ABCA10: variants seen among roughly 807,000 people sequenced by gnomAD.
The protein encoded by ABCA10 is ATP-binding cassette sub-family A member 10.
In ABCA10, 169 loss-of-function variants were observed where a neutral mutation model predicts 187.5. The ratio of observed to expected loss-of-function variants is 0.90; its 90% CI spans 0.80 to 1.02. The LOEUF is 1.02. Ranked by LOEUF, ABCA10 falls within the 50% of genes least tolerant of loss-of-function variation. The probability of loss-of-function intolerance (pLI) is 0.00; values close to 1 mark genes in which losing one functional copy is unlikely to be tolerated. For missense variants in ABCA10, 1,727 were observed against 1,812.4 expected (o/e 0.95, Z 0.86); for synonymous variants, 574 against 601.8 (o/e 0.95, Z 0.68).
chr17:69,183,249 ATATT>A (rs2074394050), intron 20 of ABCA10, among the ~76,000 whole-genome samples: 1 of 152,198 alleles, frequency 6.6e-6, no homozygotes, highest in Non-Finnish European at 1.5e-5. Flanking sequence ...CCTTGCCATG[ATATT>A]TAAAGTACTA....
chr17:69,152,193 G>A lies in ABCA10; in HGVS notation c.4257-10C>T. On this transcript the variant is annotated splice_polypyrimidine_tract_variant and intron_variant, in intron 35 of 38. Coordinates refer to ENST00000690296, the MANE Select transcript of ABCA10 (RefSeq NM_001377321.1). ...AATGGAACCAATACACCTAGTTCAG[G>A]GGAAATAAAGAAAAAATACTTGTCT... 6.3e-7 allele frequency: 1 copy of A among 1,593,654 alleles called. No individual in the cohort carries two copies.
At chr17:69,198,823 C>T (rs1044854582) in intron 10 of ABCA10, among the ~76,000 whole-genome samples, 1 of 152,162 alleles carries the variant, frequency 6.6e-6, no homozygotes, top group African/African-American at 2.4e-5. Context: ...GTGTCACCCT[C>T]AAATCCATTC....
intron 11 of ABCA10, among the ~76,000 whole-genome samples, chr17:69,195,700 C>G (rs1407752804): frequency 6.6e-6 from 1 of 151,782 alleles, no homozygotes; most frequent in African/African-American, 2.4e-5. Context: ...AGGCAGAGGA[C>G]CCTGCGGTCT....
At chr17:69,150,207 C>T (rs980675641) in intron 36 of ABCA10, 144 bp from the exon 37 acceptor site, 26 of 532,264 alleles carry the variant, frequency 4.9e-5, no homozygotes, top group African/African-American at 9.7e-5. Context: ...TGTGAAATTA[C>T]AGATTCAATC....
At chr17:69,238,383 G>C (rs1230387420) in intron 1 of ABCA10, among the ~76,000 whole-genome samples, 1 of 152,094 alleles carries the variant, frequency 6.6e-6, no homozygotes, top group East Asian at 1.9e-4. Context: ...CACTATGATA[G>C]TTCTTACCCC....
chr17:69,177,869 T>C (rs1406212068), intron 22 of ABCA10, among the ~76,000 whole-genome samples: 1 of 146,856 alleles, frequency 6.8e-6, no homozygotes, highest in Non-Finnish European at 1.5e-5. Flanking sequence ...GGCAGGAGAA[T>C]CACTTGAACC....
chr17:69,167,006 A>G (rs2074259038), intron 25 of ABCA10, among the ~76,000 whole-genome samples: 1 of 152,228 alleles, frequency 6.6e-6, no homozygotes. Context: ...AAGGGAAAAG[A>G]TAAACACCAA....
chr17:69,227,327 C>G lies in ABCA10; in HGVS notation c.-312-42G>C, dbSNP rs529656278. On this transcript the variant is annotated intron_variant, in intron 1 of 38. Transcript: ENST00000690296. ...AAAAAAAAAGTTCAGTTACAGAAAG[C>G]CTTTGAACATTTTGAAAGCATAATT... The G allele has an allele frequency of 2.2e-4, 33 of 151,248 alleles. 1 individual carries two copies. Among genetic ancestry groups the G allele is most frequent in the Admixed American group, 1.7e-3 (26 of 15,120 alleles). 9.4% of individuals were successfully genotyped at this position (151,248 alleles called of 1,614,324 possible). A position where few individuals can be genotyped will look rare whatever the true frequency, so the allele number is the denominator to read the frequency against.
chr17:69,152,071 G>A lies in ABCA10; in HGVS notation c.4369C>T (p.Leu1457Phe), dbSNP rs750693543. ...VEALHTEILKLFPQAAWQERY... is the reference protein window; with the variant it reads ...VEALHTEILKFFPQAAWQERY... ...TCCTGCCAAGCAGCCTGTGGGAAAAGCTTCAAAATCTCTGTGTGGAGAGCT... is the reference window on the plus strand; with the variant it reads ...TCCTGCCAAGCAGCCTGTGGGAAAAACTTCAAAATCTCTGTGTGGAGAGCT... Residue 1457 changes from leucine to phenylalanine, a missense_variant, in exon 36 of 39, where the codon CTT becomes TTT. Physicochemically the swap from Leu to Phe is conservative, Grantham distance 22. Transcript: ENST00000690296. 36 of 1,611,368 alleles carry A rather than the reference G, an allele frequency of 2.2e-5. No individual in the cohort carries two copies. In the Admixed American group the frequency reaches 5.7e-4, roughly 26 times the overall value.
intron 9 of ABCA10, among the ~76,000 whole-genome samples, chr17:69,207,909 G>C (rs948108746): frequency 2.0e-5 from 3 of 152,158 alleles, no homozygotes; most frequent in Admixed American, 1.3e-4. Flanking sequence ...ATTGCTAAGA[G>C]AGTAGATTTT....
In ABCA10 at chr17:69,213,286, T is replaced by C. The variant is rs369971984; in HGVS notation, c.1006+1418A>G. Among the ~76,000 whole-genome samples the C allele has an allele frequency of 4.2e-4, 64 of 152,076 alleles. No homozygotes were observed. The East Asian group carries it at 0.011, about 26-fold the overall frequency. ...TAGAGCTCCCAAGAGTTTGTGTCTT[T>C]TGTCTTTAGCTACCAGCGGTGGGGA... On this transcript the variant is annotated intron_variant, in intron 9 of 38. Transcript: ENST00000690296.
chr17:69,237,028 T>C (rs2074876197), intron 1 of ABCA10, among the ~76,000 whole-genome samples: 1 of 152,224 alleles, frequency 6.6e-6, no homozygotes, highest in Non-Finnish European at 1.5e-5. Context: ...GTTATTATTT[T>C]CTGGTCAAAT....
At chr17:69,212,791 T>C (rs1197935856) in intron 9 of ABCA10, among the ~76,000 whole-genome samples, 3 of 152,218 alleles carry the variant, frequency 2.0e-5, no homozygotes, top group South Asian at 2.1e-4. Context: ...CTGTGTCCAT[T>C]TGCATGGAAT....
In ABCA10 at chr17:69,220,807, T is replaced by C. The variant is rs140002014; in HGVS notation, c.303+985A>G. 7.6e-3 allele frequency among the ~76,000 whole-genome samples: 1,151 copies of C among 152,306 alleles called. 10 individuals are homozygous for C. The highest frequency in any genetic ancestry group is 0.012 in the Non-Finnish European group (830 of 68,036). On this transcript the variant is annotated intron_variant, in intron 5 of 38. Transcript: ENST00000690296. ...AAATCTGACCCACCACCTGTTTTTG[T>C]ATATAACATTTTATTGAACACAGGC...
At chr17:69,207,326 G>A (rs2074599210) in intron 9 of ABCA10, among the ~76,000 whole-genome samples, 1 of 152,154 alleles carries the variant, frequency 6.6e-6, no homozygotes, top group African/African-American at 2.4e-5. Context: ...TGAAAAATAT[G>A]ATGAAGGTTC....
At chr17:69,240,862 T>G (rs1045333666) in intron 1 of ABCA10, among the ~76,000 whole-genome samples, 1 of 152,236 alleles carries the variant, frequency 6.6e-6, no homozygotes, top group African/African-American at 2.4e-5. Flanking sequence ...ATTTCCTTAC[T>G]CTGGGTAAGA....
chr17:69,196,820 G>A (rs984328453), intron 11 of ABCA10, among the ~76,000 whole-genome samples: 3 of 152,160 alleles, frequency 2.0e-5, no homozygotes, highest in South Asian at 2.1e-4. Flanking sequence ...AGACCAGCCC[G>A]GCCAACACGG....
intron 1 of ABCA10, among the ~76,000 whole-genome samples, chr17:69,228,324 CAG>C (rs1050950145): frequency 1.3e-5 from 2 of 151,928 alleles, no homozygotes; most frequent in Non-Finnish European, 2.9e-5. Flanking sequence ...AAAGCAGTGT[CAG>C]AGAGAGAATT....
chr17:69,180,462 T>C (rs1163653353), intron 22 of ABCA10, among the ~76,000 whole-genome samples: 8 of 152,100 alleles, frequency 5.3e-5, no homozygotes, highest in Non-Finnish European at 1.2e-4. Context: ...CATTAAAGCA[T>C]CTGCTGAAAA....
Sources: gnomAD v4.1 joint callset for allele counts (sites outside exome capture counted in the v4.1 genomes callset) on GRCh38, gnomAD v4.1.1 for gene constraint, MANE v1.5 for transcripts, NCBI Gene and HGNC (gene_info 2026-07-23, HGNC 2026-07-21) for gene names.